Variants in LAMA2 observed in about 807,000 individuals in gnomAD.
LAMA2 encodes laminin subunit alpha 2, also known as laminin subunit alpha-2.
LAMA2 carries 269 observed loss-of-function variants against 364.8 expected under a neutral mutation model. The observed-to-expected ratio is 0.74, with a 90% CI of 0.67 to 0.82. The LOEUF is 0.82. Among genes scored for constraint, LAMA2 ranks in the 40% least tolerant of loss-of-function variants. The pLI, the probability that LAMA2 is intolerant of heterozygous loss-of-function variation, is 0.00. For synonymous variants in LAMA2, 1,379 were observed against 1,370.6 expected, an observed-to-expected ratio of 1.01 and a Z score of -0.14; for missense variants, 3,807 against 3,873.2, an observed-to-expected ratio of 0.98 and a Z score of 0.45.
chr6:129,342,203 T>C, intron 29 of LAMA2, 140 bp from the exon 30 acceptor site: 2 of 703,538 alleles, frequency 2.8e-6, no homozygotes, highest in Non-Finnish European at 5.0e-6. Flanking sequence ...CTGTCAGTGA[T>C]AAAGTGTGTG....
At chr6:128,979,813 C>T (rs1782755574) in intron 1 of LAMA2, among the ~76,000 whole-genome samples, 1 of 152,152 alleles carries the variant, frequency 6.6e-6, no homozygotes, top group Non-Finnish European at 1.5e-5. Context: ...GATTTTGCCT[C>T]CCCTTTTAAT....
intron 11 of LAMA2, among the ~76,000 whole-genome samples, chr6:129,191,897 G>A (rs1781540361): frequency 6.6e-6 from 1 of 152,176 alleles, no homozygotes; most frequent in Non-Finnish European, 1.5e-5. Flanking sequence ...GACTAGGTAG[G>A]ATGCTTTAAA....
At chr6:129,383,292 G>C in intron 35 of LAMA2, 59 bp downstream of exon 35, 4 of 1,263,504 alleles carry the variant, frequency 3.2e-6, no homozygotes, top group Non-Finnish European at 4.6e-6. Context: ...CACAGAAAGG[G>C]ATGACACAGG....
At chr6:129,263,209 C>T (rs1176492216) in intron 15 of LAMA2, among the ~76,000 whole-genome samples, 2 of 152,134 alleles carry the variant, frequency 1.3e-5, no homozygotes, top group Non-Finnish European at 2.9e-5. Context: ...AAACAAGACC[C>T]TACACAGGGA....
intron 30 of LAMA2, among the ~76,000 whole-genome samples, chr6:129,347,325 G>T (rs1025286923): frequency 1.3e-5 from 2 of 152,144 alleles, no homozygotes; most frequent in Admixed American, 1.3e-4. Context: ...TGGAGGGGGA[G>T]AAACTTACTT....
intron 10 of LAMA2, among the ~76,000 whole-genome samples, chr6:129,179,889 A>G (rs1298064510): frequency 6.6e-6 from 1 of 152,164 alleles, no homozygotes; most frequent in Non-Finnish European, 1.5e-5. Flanking sequence ...ATATATCACA[A>G]TAATATCACA....
At chr6:129,406,436 C>T (rs1780252376) in intron 40 of LAMA2, among the ~76,000 whole-genome samples, 1 of 152,046 alleles carries the variant, frequency 6.6e-6, no homozygotes, top group Non-Finnish European at 1.5e-5. Context: ...CTATTGGTGT[C>T]GGGTGAGGAA....
chr6:128,947,405 T>A (rs1780546692), intron 1 of LAMA2, among the ~76,000 whole-genome samples: 1 of 152,232 alleles, frequency 6.6e-6, no homozygotes, highest in Admixed American at 6.5e-5. Flanking sequence ...TGAAATCTAA[T>A]GACACTGAAA....
chr6:129,412,910 G>A (rs1780606927), intron 40 of LAMA2, among the ~76,000 whole-genome samples: 1 of 152,188 alleles, frequency 6.6e-6, no homozygotes, highest in Non-Finnish European at 1.5e-5. Context: ...GTCTGGAAAA[G>A]TAGGAGGCAC....
chr6:128,948,701 C>T (rs9492152), intron 1 of LAMA2, among the ~76,000 whole-genome samples: 19,418 of 152,140 alleles, frequency 0.13, 1,556 homozygotes, highest in African/African-American at 0.23. Context: ...GTAGCACCAT[C>T]CCCTTGGTGA....
At chr6:129,442,078 G>A (rs1405681163) in intron 43 of LAMA2, 12 of 492,840 alleles carry the variant, frequency 2.4e-5, no homozygotes, top group Non-Finnish European at 4.4e-5. Flanking sequence ...CAAGAGACTA[G>A]CCCTCTTTAT....
At chr6:129,123,848 G>A (rs559279424) in intron 4 of LAMA2, among the ~76,000 whole-genome samples, 2 of 152,208 alleles carry the variant, frequency 1.3e-5, no homozygotes, top group South Asian at 4.1e-4. Flanking sequence ...TTACTGTATC[G>A]TATGCTTGAA....
In LAMA2 at chr6:129,371,413, G is replaced by A. The variant is rs570389959; in HGVS notation, c.4959+1423G>A. Among the ~76,000 whole-genome samples the A allele has an allele frequency of 2.2e-3, 331 of 151,986 alleles. 2 individuals carry two copies. Among genetic ancestry groups the A allele is most frequent in the African/African-American group, 7.7e-3 (321 of 41,432 alleles). ...TAATAGAATAATTTCATCTGCTTAG[G>A]GGTAATTAGAAAAAATTTCATGTAA... On this transcript the variant is annotated intron_variant, in intron 34 of 64. Transcript: ENST00000421865.
At chr6:129,414,190 A>G (rs1398700049) in intron 40 of LAMA2, among the ~76,000 whole-genome samples, 1 of 152,132 alleles carries the variant, frequency 6.6e-6, no homozygotes, top group Non-Finnish European at 1.5e-5. Context: ...ACACCTGAGA[A>G]CTATAACCGT....
chr6:129,271,833 G>A (rs1787961725), intron 17 of LAMA2, among the ~76,000 whole-genome samples: 1 of 152,114 alleles, frequency 6.6e-6, no homozygotes, highest in African/African-American at 2.4e-5. Flanking sequence ...GTCTTTTAAT[G>A]TGTAGATGTG....
At chr6:129,129,818 G>A (rs981220861) in intron 4 of LAMA2, among the ~76,000 whole-genome samples, 2 of 150,114 alleles carry the variant, frequency 1.3e-5, no homozygotes, top group African/African-American at 4.9e-5. Flanking sequence ...CAGCTACTTG[G>A]GAGGCTGAGG....
chr6:129,411,375 CAT>C (rs764031448), intron 40 of LAMA2, among the ~76,000 whole-genome samples: 9 of 151,990 alleles, frequency 5.9e-5, no homozygotes, highest in Non-Finnish European at 1.0e-4. Flanking sequence ...ATGCATTTCT[CAT>C]AGAAAAAATG....
At position 129,326,631 on chromosome 6, in the gene LAMA2, A is replaced by G. The variant is rs140118033; in HGVS notation, c.4177-1647A>G. On this transcript the variant is annotated intron_variant, in intron 28 of 64. Transcript: ENST00000421865. ...AGAGAGATTACAGAGATAAAGTCCT[A>G]TCTCTCATAGTAACACACATGCATG... Among the ~76,000 whole-genome samples the G allele has an allele frequency of 1.5e-3, 224 of 150,404 alleles. 1 individual carries two copies. Among genetic ancestry groups the G allele is most frequent in the African/African-American group, 5.2e-3 (213 of 41,084 alleles).
At chr6:129,387,154 A>G (rs914318638) in intron 35 of LAMA2, among the ~76,000 whole-genome samples, 6 of 151,662 alleles carry the variant, frequency 4.0e-5, no homozygotes, top group African/African-American at 1.5e-4. Flanking sequence ...TTTTATTCTC[A>G]TGTTTTTATT....
Sources: gnomAD v4.1 joint callset for allele counts (sites outside exome capture counted in the v4.1 genomes callset) on GRCh38, gnomAD v4.1.1 for gene constraint, MANE v1.5 for transcripts, NCBI Gene and HGNC (gene_info 2026-07-23, HGNC 2026-07-21) for gene names.